The following CADPS2 variants were observed in gnomAD, a reference collection of about 807,000 sequenced individuals.
CADPS2 encodes the protein calcium dependent secretion activator 2.
In CADPS2, 93 loss-of-function variants were observed where a neutral mutation model predicts 172.5. The observed-to-expected ratio is 0.54, with a 90% CI of 0.46 to 0.64. The LOEUF is 0.64. Among genes scored for constraint, CADPS2 ranks in the 30% least tolerant of loss-of-function variants. The pLI is 0.00. For missense variants in CADPS2, 1,420 were observed against 1,565.9 expected (o/e 0.91, Z 1.57); for synonymous variants, 546 against 555.2 (o/e 0.98, Z 0.23).
chr7:122,438,499 G>T, intron 16 of CADPS2, 35 bp from the exon 17 acceptor site: 1 of 1,609,078 alleles, frequency 6.2e-7, no homozygotes, highest in African/African-American at 1.3e-5. Context: ...TGAGGGGCAG[G>T]GTTGGGGATA....
chr7:122,353,715 T>G (rs1481676215), intron 27 of CADPS2, among the ~76,000 whole-genome samples: 2 of 152,232 alleles, frequency 1.3e-5, no homozygotes, highest in African/African-American at 4.8e-5. Context: ...AATGTCATCT[T>G]GTCCTATTTC....
chr7:122,708,510 T>A, intron 2 of CADPS2, among the ~76,000 whole-genome samples: 1 of 113,366 alleles, frequency 8.8e-6, no homozygotes, highest in Non-Finnish European at 1.9e-5. Flanking sequence ...TCCAAACATA[T>A]TGTATTCGAG....
intron 3 of CADPS2, among the ~76,000 whole-genome samples, chr7:122,658,278 T>C: frequency 6.6e-6 from 1 of 152,160 alleles, no homozygotes; most frequent in Non-Finnish European, 1.5e-5. Context: ...AGGAACACTT[T>C]TACACTGTTG....
chr7:122,544,288 ATC>A (rs1353302233), intron 8 of CADPS2, among the ~76,000 whole-genome samples: 2 of 152,192 alleles, frequency 1.3e-5, no homozygotes, highest in Non-Finnish European at 2.9e-5. Flanking sequence ...TGTGACATAC[ATC>A]ATGGGCTAAG....
intron 1 of CADPS2, among the ~76,000 whole-genome samples, chr7:122,848,444 G>A (rs1812626086): frequency 6.6e-6 from 1 of 152,196 alleles, no homozygotes; most frequent in Non-Finnish European, 1.5e-5. Flanking sequence ...ACCATGGCCA[G>A]GTCTAGGCTG....
At chr7:122,525,084 G>A (rs1299784343) in intron 8 of CADPS2, among the ~76,000 whole-genome samples, 1 of 151,862 alleles carries the variant, frequency 6.6e-6, no homozygotes, top group Non-Finnish European at 1.5e-5. Flanking sequence ...AGGCTGTGGT[G>A]AGCCATGATA....
At chr7:122,876,595 T>C (rs1308553680) in intron 1 of CADPS2, among the ~76,000 whole-genome samples, 3 of 152,110 alleles carry the variant, frequency 2.0e-5, no homozygotes, top group Non-Finnish European at 4.4e-5. Context: ...ACTCCTGGGC[T>C]TAAGTGATCC....
chr7:122,377,525 G>A (rs918408662), intron 25 of CADPS2, among the ~76,000 whole-genome samples: 4 of 152,056 alleles, frequency 2.6e-5, no homozygotes, highest in Non-Finnish European at 4.4e-5. Context: ...GGCAACTTCC[G>A]CATGAGGACT....
intron 1 of CADPS2, among the ~76,000 whole-genome samples, chr7:122,775,999 G>T (rs1484423887): frequency 6.6e-6 from 1 of 152,014 alleles, no homozygotes; most frequent in East Asian, 1.9e-4. Flanking sequence ...AGTTAGATGG[G>T]CATATACTTT....
chr7:122,694,734 T>C (rs529586517), intron 2 of CADPS2, among the ~76,000 whole-genome samples: 1 of 152,306 alleles, frequency 6.6e-6, no homozygotes, highest in South Asian at 2.1e-4. Flanking sequence ...ATAATCTTTA[T>C]TTTTCATCAT....
chr7:122,349,276 TC>T (rs1349309511), intron 27 of CADPS2, among the ~76,000 whole-genome samples: 7 of 152,146 alleles, frequency 4.6e-5, no homozygotes, highest in African/African-American at 1.7e-4. Context: ...TTTAGAAATC[TC>T]TTCTAAATTG....
At chr7:122,604,761 T>C (rs879825311) in intron 6 of CADPS2, among the ~76,000 whole-genome samples, 5 of 152,140 alleles carry the variant, frequency 3.3e-5, no homozygotes, top group Non-Finnish European at 5.9e-5. Context: ...TAATTTCTGG[T>C]GCATTTGAAA....
At chr7:122,364,413 TAAAAAAA>T (rs916412439) in intron 25 of CADPS2, among the ~76,000 whole-genome samples, 2 of 77,900 alleles carry the variant, frequency 2.6e-5, no homozygotes, top group East Asian at 3.5e-4. Flanking sequence ...TGTCTCAAGT[TAAAAAAA>T]AAAAAAAAAA....
At chr7:122,681,963 AC>A (rs2083100400) in intron 2 of CADPS2, among the ~76,000 whole-genome samples, 1 of 152,002 alleles carries the variant, frequency 6.6e-6, no homozygotes, top group Non-Finnish European at 1.5e-5. Flanking sequence ...ACATGGTATT[AC>A]CATAATCTTA....
chr7:122,818,596 C>T (rs991806849), intron 1 of CADPS2, among the ~76,000 whole-genome samples: 2 of 152,126 alleles, frequency 1.3e-5, no homozygotes, highest in Non-Finnish European at 2.9e-5. Flanking sequence ...CCTCCCCAGG[C>T]TGCTCCTTGC....
At chr7:122,739,273 C>T (rs935366850) in intron 1 of CADPS2, among the ~76,000 whole-genome samples, 3 of 152,188 alleles carry the variant, frequency 2.0e-5, no homozygotes, top group African/African-American at 7.2e-5. Flanking sequence ...TTACTGATCA[C>T]TTGTGCCAAC....
In CADPS2 at chr7:122,720,701, G is replaced by A. The variant is rs140240001; in HGVS notation, c.453+16254C>T. On this transcript the variant is annotated intron_variant, in intron 2 of 29. Transcript: ENST00000449022. ...GGATCTTTTAATATACCCCTAAAAA[G>A]GATATACCTCCTGTAATATTCCTAA... is the stretch of plus-strand genomic sequence containing the variant. Among the ~76,000 whole-genome samples, 531 of 151,698 alleles carry A rather than the reference G, an allele frequency of 3.5e-3. 2 individuals carry two copies. Among genetic ancestry groups the A allele is most frequent in the African/African-American group, 0.012 (495 of 41,388 alleles).
chr7:122,552,388 G>A (rs1317760634), intron 8 of CADPS2, among the ~76,000 whole-genome samples: 2 of 152,114 alleles, frequency 1.3e-5, no homozygotes, highest in African/African-American at 4.8e-5. Context: ...GTCCTTCAGT[G>A]AGTTCCTGAG....
At chr7:122,650,584 G>A (rs2079051026) in intron 3 of CADPS2, among the ~76,000 whole-genome samples, 1 of 152,132 alleles carries the variant, frequency 6.6e-6, no homozygotes, top group South Asian at 2.1e-4. Flanking sequence ...TCATTATCTA[G>A]GGAGATGCTG....
Sources: allele counts gnomAD v4.1 joint callset (sites outside exome capture counted in the v4.1 genomes callset), GRCh38; gene constraint gnomAD v4.1.1; transcripts MANE v1.5; gene names NCBI Gene and HGNC (gene_info 2026-07-23, HGNC 2026-07-21).